FGFR1: variants seen among roughly 807,000 people sequenced by gnomAD.
FGFR1 encodes FGFR1/PLAG1 fusion.
FGFR1 carries 18 observed loss-of-function variants against 93.7 expected under a neutral mutation model. The observed-to-expected ratio is 0.19, with a 90% CI of 0.13 to 0.28. FGFR1 has a LOEUF of 0.28. Ranked by LOEUF, FGFR1 falls within the 10% of genes least tolerant of loss-of-function variation. The pLI, the probability that FGFR1 is intolerant of heterozygous loss-of-function variation, is 1.00. For synonymous variants in FGFR1, 448 were observed against 429.3 expected, an observed-to-expected ratio of 1.04 and a Z score of -0.54; for missense variants, 731 against 1,080.4, an observed-to-expected ratio of 0.68 and a Z score of 4.53.
At chr8:38,414,075 A>C (rs1815389658) in intron 16 of FGFR1, 52 bp from the exon 17 acceptor site, 2 of 1,613,802 alleles carry the variant, frequency 1.2e-6, no homozygotes, top group Non-Finnish European at 8.5e-7. Context: ...GATACTCTCT[A>C]GTCTAGCCCC....
intron 2 of FGFR1, among the ~76,000 whole-genome samples, chr8:38,442,321 CAG>C (rs1382773648): frequency 1.3e-5 from 2 of 151,222 alleles, no homozygotes; most frequent in Non-Finnish European, 1.5e-5. Context: ...TCACCTGTGA[CAG>C]TGCATAAGAA....
chr8:38,419,550 G>A lies in FGFR1; in HGVS notation c.1267C>T (p.Leu423=). 1 of 1,614,168 alleles carries A rather than the reference G, an allele frequency of 6.2e-7. No homozygotes were observed. Among genetic ancestry groups the A allele is most frequent in the Non-Finnish European group, 8.5e-7 (1 of 1,180,002 alleles). The change falls in exon 9 of 18, where the codon CTG becomes TTG. Residue 423 remains leucine (L), a synonymous_variant. Transcript: ENST00000447712. ...CTACTTTCTGTTACCTGTCTGCGCA[G>A]AGGGATGCTCTTGGCCAGCTTGTGC... ...AVHKLAKSIP[L]RRQVTVSADS...
intron 1 of FGFR1, among the ~76,000 whole-genome samples, chr8:38,464,312 C>CAAAAAA (rs56133772): frequency 6.1e-5 from 5 of 82,390 alleles, no homozygotes; most frequent in Non-Finnish European, 6.9e-5. Context: ...GAGACTATCT[C>CAAAAAA]AAAAAAAAAA....
At chr8:38,460,937 C>T (rs1834250962) in intron 1 of FGFR1, among the ~76,000 whole-genome samples, 1 of 152,142 alleles carries the variant, frequency 6.6e-6, no homozygotes, top group African/African-American at 2.4e-5. Context: ...GTGTACACAG[C>T]AGCTTCCTCC....
At chr8:38,451,073 T>C (rs150600134) in intron 2 of FGFR1, among the ~76,000 whole-genome samples, 103 of 152,214 alleles carry the variant, frequency 6.8e-4, no homozygotes, top group African/African-American at 2.2e-3. Flanking sequence ...ACCTTGCAGA[T>C]TTCTAGAGGC....
chr8:38,459,019 TG>T (rs891462267), intron 1 of FGFR1: 7 of 227,006 alleles, frequency 3.1e-5, no homozygotes, highest in Non-Finnish European at 6.1e-5. Context: ...TGGCTCACAC[TG>T]GCCCCAGTTA....
intron 2 of FGFR1, among the ~76,000 whole-genome samples, chr8:38,431,859 GAA>G (rs1416407692): frequency 7.2e-5 from 11 of 152,190 alleles, no homozygotes; most frequent in African/African-American, 2.7e-4. Context: ...GTGGGCCTTA[GAA>G]AAAGTTATTC....
Position 38,426,095 on chromosome 8 carries a change from T to C in FGFR1, c.745+27A>G, listed in dbSNP as rs781067748. The C allele has an allele frequency of 3.1e-6, 5 of 1,613,740 alleles. No individual in the cohort carries two copies. Among genetic ancestry groups the C allele is most frequent in the East Asian group, 2.2e-5 (1 of 44,870 alleles). ...AGCCTGGCTCTTCCCACTAAACTCA[T>C]TCCTCCTGCTGCCTCTGCCCTCTTA... On this transcript the variant is annotated intron_variant, in intron 6 of 17. Coordinates refer to ENST00000447712, the MANE Select transcript of FGFR1 (RefSeq NM_023110.3). The surrounding 1 kb of genome is among the most constrained non-coding windows in gnomAD (Gnocchi z 4.1).
rs1036120149 is a variant in FGFR1, at chr8:38,426,919, C to G, written c.622-674G>C. On this transcript the variant is annotated intron_variant, in intron 5 of 17. Transcript: ENST00000447712. The surrounding 1 kb of genome is among the most constrained non-coding windows in gnomAD (Gnocchi z 4.1). The stretch of plus-strand genomic sequence containing the variant: ...CTTGAGGTCATGAGTTCAAGACCAG[C>G]CTGGCCAACATGGGGAAACCCCGTC... Among the ~76,000 whole-genome samples the G allele has an allele frequency of 1.3e-5, 2 of 152,138 alleles. No individual in the cohort carries two copies. The highest frequency in any genetic ancestry group is 4.8e-5 in the African/African-American group (2 of 41,414).
intron 2 of FGFR1, among the ~76,000 whole-genome samples, chr8:38,451,841 A>G (rs1831174194): frequency 6.6e-6 from 1 of 152,084 alleles, no homozygotes; most frequent in Non-Finnish European, 1.5e-5. Context: ...GTACTCACTC[A>G]CTGGCTTTGC....
At chr8:38,458,550 A>G (rs1023101194) in intron 1 of FGFR1, among the ~76,000 whole-genome samples, 1 of 151,006 alleles carries the variant, frequency 6.6e-6, no homozygotes, top group South Asian at 2.1e-4. Context: ...CAAAAAATTT[A>G]AAAAAAAAAT....
At position 38,429,514 on chromosome 8, in the gene FGFR1, G is replaced by A; in HGVS notation, c.358+168C>T. ...CCACCCCACCTAGTCACCTCTCTGA[G>A]AGCCAAGCCACGCGGCAGGCAGGGA... On this transcript the variant is annotated intron_variant, in intron 3 of 17. Coordinates refer to ENST00000447712, the MANE Select transcript of FGFR1 (RefSeq NM_023110.3). This position sits in a 1 kb window ranked among gnomAD's most constrained non-coding sequence, Gnocchi z 4.4. The A allele has an allele frequency of 1.2e-6, 1 of 837,366 alleles. No individual in the cohort carries two copies. The highest frequency in any genetic ancestry group is 1.9e-6 in the Non-Finnish European group (1 of 517,820). 51.9% of individuals were successfully genotyped at this position (837,366 alleles called of 1,614,324 possible).
chr8:38,417,584 C>A, intron 11 of FGFR1, 168 bp from the exon 12 acceptor site: 1 of 748,708 alleles, frequency 1.3e-6, no homozygotes, highest in Non-Finnish European at 2.3e-6. Context: ...GCCGTTGTTG[C>A]AATAGGTGGT....
chr8:38,468,153 G>C lies in FGFR1; in HGVS notation c.-261C>G, dbSNP rs965927674. On this transcript the variant is annotated 5_prime_UTR_variant, in exon 1 of 18. Coordinates refer to ENST00000447712, the MANE Select transcript of FGFR1 (RefSeq NM_023110.3). ...CTCCCGGCGGCGCTCGGTGCTCGGC[G>C]CCTCCAGCCCGGGCGGGAACAATGG... The C allele has an allele frequency of 1.8e-5, 4 of 227,838 alleles. No individual in the cohort carries two copies. The highest frequency in any genetic ancestry group is 1.3e-3 in the Middle Eastern group (1 of 774). 14.1% of individuals were successfully genotyped at this position (227,838 alleles called of 1,614,324 possible). A position where few individuals can be genotyped will look rare whatever the true frequency, so the allele number is the denominator to read the frequency against.
In FGFR1 at chr8:38,429,804, G is replaced by A. The variant is rs867481100; in HGVS notation, c.236C>T (p.Thr79Ile). The A allele has an allele frequency of 1.9e-6, 3 of 1,613,556 alleles. No individual in the cohort carries two copies. The highest frequency in any genetic ancestry group is 1.7e-5 in the Admixed American group (1 of 59,964). Residue 79 changes from threonine (T) to isoleucine (I), a missense_variant, in exon 3 of 18, where the codon ACC becomes ATC. Physicochemically the swap from Thr to Ile is moderately conservative, Grantham distance 89. Coordinates refer to ENST00000447712, the MANE Select transcript of FGFR1 (RefSeq NM_023110.3). The surrounding 1 kb of genome is among the most constrained non-coding windows in gnomAD (Gnocchi z 4.4). ...DGVQLAESNR[T>I]RITGEEVEVQ... Reference sequence around the variant, plus strand: ...CTCCACCTCCTCCCCTGTGATGCGGGTGCGGTTGCTTTCCGCCAGCTGCAC... The same window carrying A: ...CTCCACCTCCTCCCCTGTGATGCGGATGCGGTTGCTTTCCGCCAGCTGCAC...
At position 38,427,988 on chromosome 8, in the gene FGFR1, T is replaced by G. The variant is rs2150912825; in HGVS notation, c.554A>C (p.Asn185Thr). The part of the protein sequence containing the change: ...KFKCPSSGTP[N>T]PTLRWLKNGK... ...ATTTTTCAACCAGCGCAGTGTGGGG[T>G]TTGGGGTCCCACTGGAAGGGCATTT... Residue 185 changes from asparagine to threonine, a missense_variant, in exon 5 of 18, where the codon AAC becomes ACC. This residue lies in a region of FGFR1 where 109 missense variants were observed against 249.4 expected (regional missense o/e 0.44). Transcript: ENST00000447712. 6.2e-7 allele frequency: 1 copy of G among 1,614,170 alleles called. No individual in the cohort carries two copies. The highest frequency in any genetic ancestry group is 8.5e-7 in the Non-Finnish European group (1 of 1,180,032).
At chr8:38,440,759 G>A (rs1827148829) in intron 2 of FGFR1, among the ~76,000 whole-genome samples, 2 of 152,220 alleles carry the variant, frequency 1.3e-5, no homozygotes, top group African/African-American at 4.8e-5. Context: ...GGGGCCGGGG[G>A]ACAATGGCAG....
Position 38,468,202 on chromosome 8 carries a change from C to T in FGFR1, c.-310G>A, listed in dbSNP as rs1835950933. 4.4e-6 allele frequency: 1 copy of T among 228,614 alleles called. No homozygotes were observed. The highest frequency in any genetic ancestry group is 6.1e-5 in the East Asian group (1 of 16,372). 14.2% of individuals were successfully genotyped at this position (228,614 alleles called of 1,614,324 possible). Reference sequence around the variant, plus strand: ...GGAGCCGGAGCTGGTGCCCCGGAGGCGGGGCGGGGGGAGGGCTCCCGTCCG... The same window carrying T: ...GGAGCCGGAGCTGGTGCCCCGGAGGTGGGGCGGGGGGAGGGCTCCCGTCCG... On this transcript the variant is annotated 5_prime_UTR_variant, in exon 1 of 18. Transcript: ENST00000447712.
In FGFR1 at chr8:38,413,531, G is replaced by A. The variant is rs886265811; in HGVS notation, c.*97C>T. ...GTAGGCAGCCGGCTCCTGCCAGCAGGAAAGGGGACAGGGACGGACAGGTGG... is the reference window on the plus strand; with the variant it reads ...GTAGGCAGCCGGCTCCTGCCAGCAGAAAAGGGGACAGGGACGGACAGGTGG... On this transcript the variant is annotated 3_prime_UTR_variant, in exon 18 of 18. Coordinates refer to ENST00000447712, the MANE Select transcript of FGFR1 (RefSeq NM_023110.3). This position sits in a 1 kb window ranked among gnomAD's most constrained non-coding sequence, Gnocchi z 4.2. The A allele has an allele frequency of 5.8e-6, 8 of 1,391,100 alleles. No individual in the cohort carries two copies. In the African/African-American group the frequency reaches 7.2e-5, roughly 12 times the overall value. 86.2% of individuals were successfully genotyped at this position (1,391,100 alleles called of 1,614,324 possible).
Sources: gnomAD v4.1 joint callset for allele counts (sites outside exome capture counted in the v4.1 genomes callset) on GRCh38, gnomAD v4.1.1 for gene constraint, gnomAD v4.1.1 regional missense constraint, Gnocchi (gnomAD v3.1) non-coding constraint, MANE v1.5 for transcripts, NCBI Gene and HGNC (gene_info 2026-07-23, HGNC 2026-07-21) for gene names.